ABCA12: variants seen among roughly 807,000 people sequenced by gnomAD.
The protein encoded by ABCA12 is ATP binding cassette subfamily A member 12, also known as glucosylceramide transporter ABCA12.
Under a neutral mutation model 293.5 loss-of-function variants are expected in ABCA12, and 156 were observed. That is an observed-to-expected ratio of 0.53 (90% CI 0.47 to 0.61). ABCA12 has a LOEUF of 0.61. ABCA12 is among the 20% of genes least tolerant of loss of function. ABCA12 has a pLI of 0.00. For missense variants in ABCA12, 2,797 were observed against 3,090.2 expected, an observed-to-expected ratio of 0.91 and a Z score of 2.25; for synonymous variants, 1,063 against 1,108.0, an observed-to-expected ratio of 0.96 and a Z score of 0.81.
At chr2:215,121,295 T>C (rs551629742) in intron 1 of ABCA12, among the ~76,000 whole-genome samples, 1 of 152,224 alleles carries the variant, frequency 6.6e-6, no homozygotes, top group Admixed American at 6.5e-5. Flanking sequence ...TACTATACTT[T>C]TATTAATTGA....
At chr2:215,116,948 T>C (rs897204393) in intron 1 of ABCA12, among the ~76,000 whole-genome samples, 1 of 152,206 alleles carries the variant, frequency 6.6e-6, no homozygotes, top group Non-Finnish European at 1.5e-5. Flanking sequence ...ATGCAGCAGG[T>C]AATTCTAAAC....
chr2:215,134,340 A>ACG (rs1559213648), intron 1 of ABCA12, among the ~76,000 whole-genome samples: 26 of 144,588 alleles, frequency 1.8e-4, no homozygotes, highest in Admixed American at 6.2e-4. Context: ...GTACATATAT[A>ACG]TGTATATGTG....
intron 46 of ABCA12, 35 bp from the exon 47 acceptor site, chr2:214,948,772 C>T: frequency 1.2e-6 from 2 of 1,613,498 alleles, no homozygotes; most frequent in Non-Finnish European, 1.7e-6. Flanking sequence ...AGATGAATTT[C>T]AAAAGATTTA....
intron 1 of ABCA12, among the ~76,000 whole-genome samples, chr2:215,134,064 A>G (rs1326494349): frequency 6.6e-6 from 1 of 152,018 alleles, no homozygotes; most frequent in African/African-American, 2.4e-5. Flanking sequence ...ACAAAAAAAA[A>G]GAGAGAGACA....
At chr2:214,949,923 A>T (rs1348457874) in intron 45 of ABCA12, among the ~76,000 whole-genome samples, 1 of 152,150 alleles carries the variant, frequency 6.6e-6, no homozygotes, top group African/African-American at 2.4e-5. Flanking sequence ...GGTAAATAAT[A>T]ATAACTTTTG....
intron 2 of ABCA12, among the ~76,000 whole-genome samples, chr2:215,064,733 A>G (rs1170594081): frequency 6.8e-6 from 1 of 146,298 alleles, no homozygotes; most frequent in East Asian, 2.1e-4. Flanking sequence ...ACACACACAC[A>G]AACATGTACT....
At chr2:215,058,413 C>A (rs938563988) in intron 3 of ABCA12, among the ~76,000 whole-genome samples, 2 of 151,978 alleles carry the variant, frequency 1.3e-5, no homozygotes. Flanking sequence ...TTCAACTCAT[C>A]CCCATTTCCA....
chr2:215,020,173 A>G (rs1242110144), intron 11 of ABCA12, among the ~76,000 whole-genome samples: 1 of 152,094 alleles, frequency 6.6e-6, no homozygotes, highest in Admixed American at 6.6e-5. Flanking sequence ...AACGTTTAAA[A>G]AGTATTTCTT....
intron 7 of ABCA12, among the ~76,000 whole-genome samples, chr2:215,044,931 A>G (rs1242850752): frequency 1.3e-5 from 2 of 152,192 alleles, no homozygotes; most frequent in Non-Finnish European, 2.9e-5. Flanking sequence ...TTAGTGACAT[A>G]TAAGAGAGGC....
chr2:215,120,488 A>G (rs1333427671), intron 1 of ABCA12, among the ~76,000 whole-genome samples: 1 of 152,188 alleles, frequency 6.6e-6, no homozygotes, highest in South Asian at 2.1e-4. Context: ...AGTCTAAAAC[A>G]CGAAGGATGA....
intron 38 of ABCA12, among the ~76,000 whole-genome samples, chr2:214,967,996 ATTAT>A (rs1322907467): frequency 6.6e-6 from 1 of 152,200 alleles, no homozygotes; most frequent in Non-Finnish European, 1.5e-5. Flanking sequence ...AGTGAGCAGA[ATTAT>A]TTATCTCCAT....
intron 1 of ABCA12, among the ~76,000 whole-genome samples, chr2:215,116,487 A>C (rs1329135572): frequency 6.6e-6 from 1 of 152,212 alleles, no homozygotes; most frequent in African/African-American, 2.4e-5. Flanking sequence ...ATTTACTGCA[A>C]AGGGATTGGC....
intron 2 of ABCA12, among the ~76,000 whole-genome samples, chr2:215,110,354 CA>C (rs1702546999): frequency 6.6e-6 from 1 of 151,952 alleles, no homozygotes; most frequent in East Asian, 1.9e-4. Context: ...ACTAAAAATA[CA>C]AAAAAATTAG....
At chr2:214,996,894 T>C (rs1004718788) in intron 23 of ABCA12, among the ~76,000 whole-genome samples, 1 of 152,202 alleles carries the variant, frequency 6.6e-6, no homozygotes, top group African/African-American at 2.4e-5. Flanking sequence ...GCAATAATTA[T>C]TGTGCCCCAG....
In ABCA12 at chr2:215,015,503, T is replaced by C. The variant is rs757938932; in HGVS notation, c.1943A>G (p.Asn648Ser). 6 of 1,613,948 alleles carry C rather than the reference T, an allele frequency of 3.7e-6. No homozygotes were observed. The African/African-American group carries it at 4.0e-5, about 11-fold the overall frequency. ...ACAGCAACTTGCCTTGTATGTGAAG[T>C]TGTAAATGTTTAAGTAGTGCAGAAG... is the stretch of plus-strand genomic sequence containing the variant. ...LTLLHYLNIY[N>S]FTYKVFFPRK... is the part of the protein sequence containing the mutation. The change falls in exon 15 of 53, where the codon AAC becomes AGC. Residue 648 changes from asparagine to serine, a missense_variant. By Grantham distance (46) the Asn-to-Ser change is conservative. This residue lies in a region of ABCA12 where 2,130 missense variants were observed against 2,427.0 expected (regional missense o/e 0.88). Transcript: ENST00000272895.
At chr2:214,974,754 A>C in intron 35 of ABCA12, 24 bp downstream of exon 35, 1 of 1,611,996 alleles carries the variant, frequency 6.2e-7, no homozygotes, top group Non-Finnish European at 8.5e-7. Context: ...GAAAACAAAA[A>C]ATAGAAGAGC....
In ABCA12 at chr2:215,049,737, A is replaced by G. The variant is rs1429607645; in HGVS notation, c.582T>C (p.Asp194=). 1.2e-6 allele frequency: 2 copies of G among 1,613,632 alleles called. No individual in the cohort carries two copies. Among genetic ancestry groups the G allele is most frequent in the Admixed American group, 1.7e-5 (1 of 59,964 alleles). ...CTAGAAAGGTCCAAGAGAAGGCATC[A>G]TCCACAATGTATCCTGAATAGCTGT... is the stretch of plus-strand genomic sequence containing the variant. ...LCDSYSGYIV[D]DAFSWTFLGR... The change falls in exon 6 of 53, where the codon GAT becomes GAC. Residue 194 remains aspartate, a synonymous_variant. Transcript: ENST00000272895.
At chr2:215,106,126 A>T (rs1702459518) in intron 2 of ABCA12, among the ~76,000 whole-genome samples, 1 of 152,134 alleles carries the variant, frequency 6.6e-6, no homozygotes, top group Non-Finnish European at 1.5e-5. Context: ...GCAAGGCCAG[A>T]ACACACCTCA....
At position 215,052,327 on chromosome 2, in the gene ABCA12, T is replaced by A. The variant is rs565617124; in HGVS notation, c.507+160A>T. Among the ~76,000 whole-genome samples the A allele has an allele frequency of 4.6e-5, 7 of 152,210 alleles. No homozygotes were observed. In the East Asian group the frequency reaches 1.4e-3, roughly 29 times the overall value. On this transcript the variant is annotated intron_variant, in intron 5 of 52. Coordinates refer to ENST00000272895, the MANE Select transcript of ABCA12 (RefSeq NM_173076.3). The stretch of plus-strand genomic sequence containing the variant: ...TAAGGAATTCAGAATGTCTTAAAAT[T>A]AAGCTGTTTATTGAAGGGTTCCTAA...
Sources: gnomAD v4.1 joint callset for allele counts (sites outside exome capture counted in the v4.1 genomes callset) on GRCh38, gnomAD v4.1.1 for gene constraint, gnomAD v4.1.1 regional missense constraint, MANE v1.5 for transcripts, NCBI Gene and HGNC (gene_info 2026-07-23, HGNC 2026-07-21) for gene names.